GRIK2: variants seen among roughly 807,000 people sequenced by gnomAD.
The protein encoded by GRIK2 is glutamate receptor ionotropic, kainate 2.
In GRIK2, 32 loss-of-function variants were observed where a neutral mutation model predicts 100.3. That is an observed-to-expected ratio of 0.32 (90% CI 0.24 to 0.43). GRIK2 has a LOEUF of 0.43. Ranked by LOEUF, GRIK2 falls within the 20% of genes least tolerant of loss-of-function variation. The pLI, the probability that GRIK2 is intolerant of heterozygous loss-of-function variation, is 1.00. For synonymous variants in GRIK2, 417 were observed against 389.4 expected (o/e 1.07, Z -0.83); for missense variants, 843 against 1,114.9 (o/e 0.76, Z 3.47).
chr6:101,588,852 G>A (rs922961864), intron 2 of GRIK2, among the ~76,000 whole-genome samples: 3 of 151,846 alleles, frequency 2.0e-5, no homozygotes, highest in Non-Finnish European at 4.4e-5. Context: ...TTTAAAAAAA[G>A]ATCATTCTAG....
chr6:101,415,525 C>T (rs1250149183), intron 2 of GRIK2, among the ~76,000 whole-genome samples: 1 of 151,954 alleles, frequency 6.6e-6, no homozygotes, highest in Non-Finnish European at 1.5e-5. Context: ...CGCCCGCCAC[C>T]ACACCCGGCT....
chr6:101,967,732 C>G (rs192659433), intron 14 of GRIK2, among the ~76,000 whole-genome samples: 1 of 152,190 alleles, frequency 6.6e-6, no homozygotes, highest in East Asian at 1.9e-4. Context: ...AAACAAACAA[C>G]AAGCCAACAA....
At chr6:101,656,310 A>T (rs991955061) in intron 4 of GRIK2, among the ~76,000 whole-genome samples, 2 of 151,896 alleles carry the variant, frequency 1.3e-5, no homozygotes, top group African/African-American at 4.8e-5. Context: ...TCCAAAAAAA[A>T]AAAAAAGAAA....
At chr6:101,560,702 C>T (rs1210115120) in intron 2 of GRIK2, among the ~76,000 whole-genome samples, 2 of 135,632 alleles carry the variant, frequency 1.5e-5, no homozygotes, top group South Asian at 2.5e-4. Flanking sequence ...ACTTGATGCC[C>T]TTTGTATCAG....
intron 7 of GRIK2, among the ~76,000 whole-genome samples, chr6:101,687,674 T>C (rs1444938568): frequency 6.6e-6 from 1 of 151,916 alleles, no homozygotes; most frequent in East Asian, 1.9e-4. Flanking sequence ...AAAATACATT[T>C]GTTTTCAGTT....
At chr6:101,947,883 A>G (rs1048035539) in intron 14 of GRIK2, among the ~76,000 whole-genome samples, 4 of 152,150 alleles carry the variant, frequency 2.6e-5, no homozygotes, top group African/African-American at 9.6e-5. Flanking sequence ...CTTAACCCCA[A>G]CTAGGAGAAT....
In GRIK2 at chr6:101,989,437, G is replaced by A. The variant is rs189903129; in HGVS notation, c.2086-45904G>A. ...ATTATGGATTCAGATATGCTTGCCC[G>A]GATAAAGCATTAGATTTTTAAATTC... On this transcript the variant is annotated intron_variant, in intron 14 of 16. Coordinates refer to ENST00000369134, the MANE Select transcript of GRIK2 (RefSeq NM_021956.5). Among the ~76,000 whole-genome samples, 80 of 151,648 alleles carry A rather than the reference G, an allele frequency of 5.3e-4. 1 individual carries two copies. The highest frequency in any genetic ancestry group is 3.4e-3 in the Middle Eastern group (1 of 294).
intron 2 of GRIK2, among the ~76,000 whole-genome samples, chr6:101,474,865 T>C (rs1370394562): frequency 6.6e-6 from 1 of 151,974 alleles, no homozygotes; most frequent in African/African-American, 2.4e-5. Flanking sequence ...ATAATAATAC[T>C]GTTAATCACA....
At chr6:101,932,005 G>C (rs996784675) in intron 14 of GRIK2, among the ~76,000 whole-genome samples, 1 of 151,988 alleles carries the variant, frequency 6.6e-6, no homozygotes, top group East Asian at 1.9e-4. Context: ...AAGTATAAAG[G>C]CTAGGAGAAT....
chr6:101,427,252 C>T (rs568524418), intron 2 of GRIK2, among the ~76,000 whole-genome samples: 4 of 152,234 alleles, frequency 2.6e-5, no homozygotes, highest in Admixed American at 6.5e-5. Context: ...TCCTCCCACT[C>T]ATTGAACTTT....
At chr6:101,682,770 T>C (rs1448128651) in intron 6 of GRIK2, among the ~76,000 whole-genome samples, 164 bp downstream of exon 6, 6 of 152,214 alleles carry the variant, frequency 3.9e-5, no homozygotes, top group Non-Finnish European at 8.8e-5. Context: ...CAACTCTTAA[T>C]AGAAGCTGAT....
chr6:101,604,378 G>A (rs1314406045), intron 2 of GRIK2, among the ~76,000 whole-genome samples: 3 of 151,770 alleles, frequency 2.0e-5, no homozygotes, highest in South Asian at 2.1e-4. Flanking sequence ...AAAATTTTAG[G>A]CATCTTCCAT....
intron 14 of GRIK2, among the ~76,000 whole-genome samples, chr6:102,009,560 AAT>A (rs1795412700): frequency 6.6e-6 from 1 of 152,170 alleles, no homozygotes; most frequent in African/African-American, 2.4e-5. Context: ...AAAGGGAAGT[AAT>A]AGACTGACAA....
intron 2 of GRIK2, among the ~76,000 whole-genome samples, chr6:101,529,435 TGTC>T (rs1775313319): frequency 1.3e-5 from 2 of 152,124 alleles, no homozygotes; most frequent in Admixed American, 1.3e-4. Context: ...TTCTTTCTAA[TGTC>T]GTTGAGAGTT....
rs1582605195 is a variant in GRIK2, at chr6:101,507,872, G to A, written c.115+108480G>A. ...ATGGCAATATTCTAGGATTCAAATT[G>A]GATCACAAGAGTTAGTGTTATCATT... On this transcript the variant is annotated intron_variant, in intron 2 of 16. Transcript: ENST00000369134. Among the ~76,000 whole-genome samples, 4 of 151,998 alleles carry A rather than the reference G, an allele frequency of 2.6e-5. No individual in the cohort carries two copies. The East Asian group carries it at 5.8e-4, about 22-fold the overall frequency.
intron 2 of GRIK2, among the ~76,000 whole-genome samples, chr6:101,567,173 A>G (rs1010648470): frequency 2.0e-5 from 3 of 151,854 alleles, no homozygotes; most frequent in Middle Eastern, 3.4e-3. Context: ...CACCTTAAAT[A>G]TTTTTTGATG....
At chr6:101,851,974 A>AAC (rs1784158868) in intron 10 of GRIK2, among the ~76,000 whole-genome samples, 2 of 151,220 alleles carry the variant, frequency 1.3e-5, no homozygotes, top group Non-Finnish European at 2.9e-5. Flanking sequence ...AAAAAAAAAA[A>AAC]ATCTTAACAC....
intron 2 of GRIK2, among the ~76,000 whole-genome samples, chr6:101,580,827 ATCTGCATAGTTCCCTC>A (rs1562240222): frequency 6.6e-6 from 1 of 151,988 alleles, no homozygotes; most frequent in African/African-American, 2.4e-5. Flanking sequence ...TCCTTCAGTT[ATCTGCATAGTTCCCTC>A]TCAATTCCCC....
At chr6:101,999,156 T>C (rs1794802982) in intron 14 of GRIK2, among the ~76,000 whole-genome samples, 1 of 152,122 alleles carries the variant, frequency 6.6e-6, no homozygotes, top group South Asian at 2.1e-4. Flanking sequence ...GTAATAATTA[T>C]TGAAGTCAGG....
Sources: allele counts gnomAD v4.1 joint callset (sites outside exome capture counted in the v4.1 genomes callset), GRCh38; gene constraint gnomAD v4.1.1; transcripts MANE v1.5; gene names NCBI Gene and HGNC (gene_info 2026-07-23, HGNC 2026-07-21).